The following IFIT2 variants were observed in gnomAD, a reference collection of about 807,000 sequenced individuals.
The protein encoded by IFIT2 is interferon induced protein with tetratricopeptide repeats 2.
IFIT2 carries 3 observed loss-of-function variants against 2.5 expected under a neutral mutation model. That is an observed-to-expected ratio of 1.21 (90% confidence interval 0.55 to 3.14). The LOEUF (loss-of-function observed/expected upper bound fraction) is 3.14, where lower values mean the gene tolerates loss of function less well. IFIT2 is among the 30% of genes most tolerant of loss of function. The probability of loss-of-function intolerance (pLI) is 0.03; values close to 1 mark genes in which losing one functional copy is unlikely to be tolerated. For synonymous variants in IFIT2, 212 were observed against 200.7 expected (o/e 1.06, Z -0.48); for missense variants, 493 against 558.9 (o/e 0.88, Z 1.19).
rs34783616 is a variant in IFIT2, at chr10:89,306,393, G to C, written c.437G>C (p.Arg146Pro). 376 of 1,614,020 alleles carry C rather than the reference G, an allele frequency of 2.3e-4. No individual in the cohort carries two copies. The highest frequency in any genetic ancestry group is 3.0e-4 in the Non-Finnish European group (353 of 1,180,030). The change falls in exon 2 of 2, where the codon CGG becomes CCG. Residue 146 changes from arginine to proline, a missense_variant. Coordinates refer to ENST00000371826, the MANE Select transcript of IFIT2 (RefSeq NM_001547.5). ...PELDCEEGWTRLKCGGNQNER... is the reference protein window; with the variant it reads ...PELDCEEGWTPLKCGGNQNER... Reference sequence around the variant, plus strand: ...CTTGACTGTGAGGAAGGGTGGACACGGTTAAAGTGTGGAGGAAACCAAAAT... The same window carrying C: ...CTTGACTGTGAGGAAGGGTGGACACCGTTAAAGTGTGGAGGAAACCAAAAT...
Position 89,306,744 on chromosome 10 carries a change from C to T in IFIT2, c.788C>T (p.Pro263Leu), listed in dbSNP as rs202222227. Reference protein sequence around the residue: ...AAKFYRRKDEPDKAIELLKKA... With the variant: ...AAKFYRRKDELDKAIELLKKA... The stretch of plus-strand genomic sequence containing the variant: ...AAGTTTTATCGAAGAAAAGATGAGC[C>T]AGACAAAGCGATTGAACTGCTTAAA... Residue 263 changes from proline to leucine, a missense_variant, in exon 2 of 2, where the codon CCA becomes CTA. Coordinates refer to ENST00000371826, the MANE Select transcript of IFIT2 (RefSeq NM_001547.5). 3.1e-6 allele frequency: 5 copies of T among 1,614,076 alleles called. No homozygotes were observed. The highest frequency in any genetic ancestry group is 4.2e-6 in the Non-Finnish European group (5 of 1,179,970).
rs1305223950 is a variant in IFIT2 at position 89,306,617 on chromosome 10, A to G, written c.661A>G (p.Lys221Glu). ...AGTCCTCCTGGCTCTGAAGCTTCAT[A>G]AGATGCGTGAAGAAGGTGAAGAGGA... ...LKVLLALKLH[K>E]MREEGEEEGE... is the part of the protein sequence containing the mutation. Residue 221 changes from lysine to glutamate, a missense_variant, in exon 2 of 2, where the codon AAG becomes GAG. Lys to Glu is a moderately conservative substitution (Grantham distance 56, BLOSUM62 1). Coordinates refer to ENST00000371826, the MANE Select transcript of IFIT2 (RefSeq NM_001547.5). 3 of 1,614,072 alleles carry G rather than the reference A, an allele frequency of 1.9e-6. No homozygotes were observed. Among genetic ancestry groups the G allele is most frequent in the South Asian group, 2.2e-5 (2 of 91,076 alleles).
Position 89,306,765 on chromosome 10 carries a change from T to C in IFIT2, c.809T>C (p.Leu270Pro), listed in dbSNP as rs1330692316. The change falls in exon 2 of 2, where the codon CTT becomes CCT. Residue 270 changes from leucine (L) to proline (P), a missense_variant. Coordinates refer to ENST00000371826, the MANE Select transcript of IFIT2 (RefSeq NM_001547.5). The part of the protein sequence containing the change: ...KDEPDKAIEL[L>P]KKALEYIPNN... Reference sequence around the variant, plus strand: ...GAGCCAGACAAAGCGATTGAACTGCTTAAAAAGGCTTTAGAATACATACCA... The same window carrying C: ...GAGCCAGACAAAGCGATTGAACTGCCTAAAAAGGCTTTAGAATACATACCA... The C allele has an allele frequency of 6.2e-7, 1 of 1,614,138 alleles. No homozygotes were observed. Among genetic ancestry groups the C allele is most frequent in the Non-Finnish European group, 8.5e-7 (1 of 1,179,980 alleles).
Position 89,305,974 on chromosome 10 carries a change from G to A in IFIT2, c.18G>A (p.Lys6=). MSENN[K]NSLESSLRQL... is the part of the protein sequence containing the mutation. ...TTTTTCCCTACAGTGAGAACAATAA[G>A]AATTCCTTGGAGAGCAGCCTACGGC... The change falls in exon 2 of 2, where the codon AAG becomes AAA. Residue 6 remains lysine (K), a synonymous_variant. Transcript: ENST00000371826. 6.2e-7 allele frequency: 1 copy of A among 1,611,080 alleles called. No homozygotes were observed. Among genetic ancestry groups the A allele is most frequent in the Non-Finnish European group, 8.5e-7 (1 of 1,177,698 alleles).
At position 89,309,068 on chromosome 10, in the gene IFIT2, C is replaced by G. The variant is rs1334311052; in HGVS notation, c.*1693C>G. On this transcript the variant is annotated 3_prime_UTR_variant, in exon 2 of 2. Transcript: ENST00000371826. Reference sequence around the variant, plus strand: ...TCATAATCACCTGAACAGAACAAAACTTTTTCCTCAGCTTTAAGAGTCCAG... The same window carrying G: ...TCATAATCACCTGAACAGAACAAAAGTTTTTCCTCAGCTTTAAGAGTCCAG... 6.6e-6 allele frequency: 1 copy of G among 152,188 alleles called. No individual in the cohort carries two copies. Among genetic ancestry groups the G allele is most frequent in the Non-Finnish European group, 1.5e-5 (1 of 68,038 alleles). 9.4% of individuals were successfully genotyped at this position (152,188 alleles called of 1,614,324 possible).
chr10:89,305,758 T>G (rs1057229665), intron 1 of IFIT2, among the ~76,000 whole-genome samples: 1 of 152,146 alleles, frequency 6.6e-6, no homozygotes, highest in African/African-American at 2.4e-5. Context: ...GCCCTAATTC[T>G]TCTGCTGCCC....
At position 89,308,047 on chromosome 10, in the gene IFIT2, A is replaced by G. The variant is rs1416800219; in HGVS notation, c.*672A>G. ...ACGGGTACAAAAAGCAATGTGTACA[A>G]GAAGACTTTCAGCAAGTATACAGAG... On this transcript the variant is annotated 3_prime_UTR_variant, in exon 2 of 2. Transcript: ENST00000371826. 1 of 152,490 alleles carries G rather than the reference A, an allele frequency of 6.6e-6. No individual in the cohort carries two copies. The highest frequency in any genetic ancestry group is 1.5e-5 in the Non-Finnish European group (1 of 68,260). The allele number at this position is 152,490 out of a possible 1,614,324, so 9.4% of individuals were successfully genotyped here.
Position 89,302,094 on chromosome 10 carries a change from T to C in IFIT2, c.-30T>C, listed in dbSNP as rs1843448549. The C allele has an allele frequency of 6.2e-7, 1 of 1,613,924 alleles. No individual in the cohort carries two copies. Among genetic ancestry groups the C allele is most frequent in the African/African-American group, 1.3e-5 (1 of 75,052 alleles). ...GAGTGCAGCTGCCTGAACCGAGCCC[T>C]GCCGAACAGCTGAGAATTGCACTGC... On this transcript the variant is annotated 5_prime_UTR_variant, in exon 1 of 2. Coordinates refer to ENST00000371826, the MANE Select transcript of IFIT2 (RefSeq NM_001547.5).
Position 89,306,279 on chromosome 10 carries a change from G to A in IFIT2, c.323G>A (p.Gly108Asp), listed in dbSNP as rs945161247. ...TATGCCTGGGTCTACTATCACATGG[G>A]CCGACTCTCAGACGTTCAGATTTAT... Reference protein sequence around the residue: ...GNYAWVYYHMGRLSDVQIYVD... With the variant: ...GNYAWVYYHMDRLSDVQIYVD... The change falls in exon 2 of 2, where the codon GGC becomes GAC. Residue 108 changes from glycine (G) to aspartate (D), a missense_variant. Transcript: ENST00000371826. The A allele has an allele frequency of 6.2e-6, 10 of 1,614,078 alleles. No homozygotes were observed. The highest frequency in any genetic ancestry group is 8.5e-6 in the Non-Finnish European group (10 of 1,179,994).
At chr10:89,303,958 G>A (rs139473124) in intron 1 of IFIT2, among the ~76,000 whole-genome samples, 2 of 152,264 alleles carry the variant, frequency 1.3e-5, no homozygotes, top group African/African-American at 4.8e-5. Flanking sequence ...AGATGCACAT[G>A]GAGAAAACAC....
rs916125092 is a variant in IFIT2 at position 89,308,147 on chromosome 10, A to C, written c.*772A>C. ...AATGAGAATGGATTCTGTACAATAC[A>C]CTAGAAACCAACATAATGTATTTCT... On this transcript the variant is annotated 3_prime_UTR_variant, in exon 2 of 2. Transcript: ENST00000371826. 2.6e-5 allele frequency: 4 copies of C among 152,238 alleles called. No homozygotes were observed. In the East Asian group the frequency reaches 7.7e-4, roughly 29 times the overall value. The allele number at this position is 152,238 out of a possible 1,614,324, so 9.4% of individuals were successfully genotyped here. A position where few individuals can be genotyped will look rare whatever the true frequency, so the allele number is the denominator to read the frequency against.
chr10:89,306,817 T>C lies in IFIT2; in HGVS notation c.861T>C (p.Ile287=). ...ACAATGCCTACCTGCATTGCCAAAT[T>C]GGGTGCTGCTATAGGGCAAAAGTCT... ...IPNNAYLHCQ[I]GCCYRAKVFQ... is the part of the protein sequence containing the mutation. The change falls in exon 2 of 2, where the codon ATT becomes ATC. Residue 287 remains isoleucine (I), a synonymous_variant. Transcript: ENST00000371826. 1 of 1,614,058 alleles carries C rather than the reference T, an allele frequency of 6.2e-7. No individual in the cohort carries two copies. The highest frequency in any genetic ancestry group is 8.5e-7 in the Non-Finnish European group (1 of 1,179,956).
In IFIT2 at chr10:89,307,823, TC is replaced by T. The variant is rs1843492511; in HGVS notation, c.*449del. 1 of 159,858 alleles carries T rather than the reference TC, an allele frequency of 6.3e-6. No homozygotes were observed. Among genetic ancestry groups the T allele is most frequent in the South Asian group, 1.7e-4 (1 of 5,894 alleles). The allele number at this position is 159,858 out of a possible 1,614,324, so 9.9% of individuals were successfully genotyped here. On this transcript the variant is annotated 3_prime_UTR_variant, in exon 2 of 2. Coordinates refer to ENST00000371826, the MANE Select transcript of IFIT2 (RefSeq NM_001547.5). ...CTGCATAGCCAGTAATGTGCTAAGT[TC>T]ATCCAAAAGCTGGCGGACCAAAGTC...
rs917016725 is a variant in IFIT2, at chr10:89,307,792, T to A, written c.*417T>A. The A allele has an allele frequency of 2.3e-5, 4 of 173,132 alleles. No homozygotes were observed. The highest frequency in any genetic ancestry group is 9.5e-5 in the African/African-American group (4 of 42,034). 10.7% of individuals were successfully genotyped at this position (173,132 alleles called of 1,614,324 possible). A position where few individuals can be genotyped will look rare whatever the true frequency, so the allele number is the denominator to read the frequency against. On this transcript the variant is annotated 3_prime_UTR_variant, in exon 2 of 2. Coordinates refer to ENST00000371826, the MANE Select transcript of IFIT2 (RefSeq NM_001547.5). ...GGAGTCATTTTGCATCCCATAGAGGTTAGTCCTGCATAGCCAGTAATGTGC... is the reference window on the plus strand; with the variant it reads ...GGAGTCATTTTGCATCCCATAGAGGATAGTCCTGCATAGCCAGTAATGTGC...
chr10:89,306,004 A>T lies in IFIT2; in HGVS notation c.48A>T (p.Leu16=), dbSNP rs1356504947. Residue 16 remains leucine, a synonymous_variant, in exon 2 of 2, where the codon CTA becomes CTT. Transcript: ENST00000371826. ...KNSLESSLRQ[L]KCHFTWNLME... ...CCTTGGAGAGCAGCCTACGGCAACT[A>T]AAATGCCATTTCACCTGGAACTTGA... is the stretch of plus-strand genomic sequence containing the variant. 1.2e-6 allele frequency: 2 copies of T among 1,613,904 alleles called. No individual in the cohort carries two copies. The highest frequency in any genetic ancestry group is 2.2e-5 in the South Asian group (2 of 91,080).
At chr10:89,303,473 T>C (rs1843458860) in intron 1 of IFIT2, among the ~76,000 whole-genome samples, 1 of 152,220 alleles carries the variant, frequency 6.6e-6, no homozygotes, top group African/African-American at 2.4e-5. Flanking sequence ...TGTATACAAC[T>C]GGAACTTCTA....
intron 1 of IFIT2, 29 bp downstream of exon 1, chr10:89,302,157 T>G (rs778065396): frequency 6.2e-7 from 1 of 1,612,828 alleles, no homozygotes; most frequent in Admixed American, 1.7e-5. Context: ...TATTCGGTAG[T>G]GCTGTTGAGT....
chr10:89,306,430 G>A lies in IFIT2; in HGVS notation c.474G>A (p.Lys158=), dbSNP rs574397360. The A allele has an allele frequency of 2.2e-5, 35 of 1,614,118 alleles. 1 individual carries two copies. The African/African-American group carries it at 4.4e-4, about 20-fold the overall frequency. The change falls in exon 2 of 2, where the codon AAG becomes AAA. Residue 158 remains lysine (K), a synonymous_variant. Transcript: ENST00000371826. Reference sequence around the variant, plus strand: ...GAGGAAACCAAAATGAAAGAGCGAAGGTGTGCTTTGAGAAGGCTCTGGAAA... The same window carrying A: ...GAGGAAACCAAAATGAAAGAGCGAAAGTGTGCTTTGAGAAGGCTCTGGAAA... ...KCGGNQNERA[K]VCFEKALEKK...
chr10:89,306,712 T>G lies in IFIT2; in HGVS notation c.756T>G (p.Ser252Arg). 6.2e-7 allele frequency: 1 copy of G among 1,614,142 alleles called. No homozygotes were observed. ...CAGGTGTAACAGATGTTCTTCGCAGTGCAGCCAAGTTTTATCGAAGAAAAG... is the reference window on the plus strand; with the variant it reads ...CAGGTGTAACAGATGTTCTTCGCAGGGCAGCCAAGTTTTATCGAAGAAAAG... ...KAPGVTDVLR[S>R]AAKFYRRKDE... The change falls in exon 2 of 2, where the codon AGT becomes AGG. Residue 252 changes from serine (S) to arginine (R), a missense_variant. Coordinates refer to ENST00000371826, the MANE Select transcript of IFIT2 (RefSeq NM_001547.5).
Sources: allele counts gnomAD v4.1 joint callset (sites outside exome capture counted in the v4.1 genomes callset), GRCh38; gene constraint gnomAD v4.1.1; transcripts MANE v1.5; gene names NCBI Gene and HGNC (gene_info 2026-07-23, HGNC 2026-07-21).